Variants in C2CD2L observed in about 807,000 individuals in gnomAD.
C2CD2L encodes the protein phospholipid transfer protein C2CD2L.
In C2CD2L, 24 loss-of-function variants were observed where a neutral mutation model predicts 69.9. The ratio of observed to expected loss-of-function variants is 0.34; its 90% confidence interval spans 0.25 to 0.48. The LOEUF is 0.48. Ranked by LOEUF, C2CD2L falls within the 20% of genes least tolerant of loss-of-function variation. The pLI, the probability that C2CD2L is intolerant of heterozygous loss-of-function variation, is 0.99. For synonymous variants in C2CD2L, 367 were observed against 391.0 expected (o/e 0.94, Z 0.72); for missense variants, 811 against 941.5 (o/e 0.86, Z 1.81).
chr11:119,103,075 G>T (rs1333258127), upstream of C2CD2L, among the ~76,000 whole-genome samples: 1 of 151,634 alleles, frequency 6.6e-6, no homozygotes, highest in African/African-American at 2.4e-5. Flanking sequence ...ATTTTTAGTA[G>T]AGACGGGATT....
Position 119,109,982 on chromosome 11 carries a change from G to A in C2CD2L, c.355-122G>A. 1 of 730,604 alleles carries A rather than the reference G, an allele frequency of 1.4e-6. No homozygotes were observed. The highest frequency in any genetic ancestry group is 2.5e-6 in the Non-Finnish European group (1 of 406,534). 45.3% of individuals were successfully genotyped at this position (730,604 alleles called of 1,614,324 possible). On this transcript the variant is annotated intron_variant, in intron 1 of 13. Coordinates refer to ENST00000648610, the MANE Select transcript of C2CD2L (RefSeq NM_001290474.2). This position sits in a 1 kb window ranked among gnomAD's most constrained non-coding sequence, Gnocchi z 5.1. The stretch of plus-strand genomic sequence containing the variant: ...GTCTTAAAGCCCTGAGCCAAGGAGG[G>A]GCCAGAAGCCAGCCTGCAGCTGAGG...
chr11:119,110,196 C>T lies in C2CD2L; in HGVS notation c.447C>T (p.Thr149=). Residue 149 remains threonine (T), a synonymous_variant, in exon 2 of 14, where the codon ACC becomes ACT. Transcript: ENST00000648610. The surrounding 1 kb of genome is among the most constrained non-coding windows in gnomAD (Gnocchi z 5.7). ...HVTCVDQSEH[T]MVLRCQLSAE... Reference sequence around the variant, plus strand: ...CCTGCGTAGACCAATCTGAGCATACCATGGTAAGGGTCTGATGGGCACTGC... The same window carrying T: ...CCTGCGTAGACCAATCTGAGCATACTATGGTAAGGGTCTGATGGGCACTGC... 6.2e-7 allele frequency: 1 copy of T among 1,610,246 alleles called. No individual in the cohort carries two copies.
In C2CD2L at chr11:119,110,605, C is replaced by G. The variant is rs1403587226; in HGVS notation, c.495C>G (p.Val165=). 2 of 1,611,822 alleles carry G rather than the reference C, an allele frequency of 1.2e-6. No homozygotes were observed. Among genetic ancestry groups the G allele is most frequent in the Admixed American group, 3.3e-5 (2 of 59,900 alleles). ...CTGCTGAGGAGGTGCGGTTCCCAGTCTCTGTGACCCAGCAGTCCCCCGCTG... is the reference window on the plus strand; with the variant it reads ...CTGCTGAGGAGGTGCGGTTCCCAGTGTCTGTGACCCAGCAGTCCCCCGCTG... ...QLSAEEVRFP[V]SVTQQSPAAV... The change falls in exon 3 of 14, where the codon GTC becomes GTG. Residue 165 remains valine (V), a synonymous_variant. Coordinates refer to ENST00000648610, the MANE Select transcript of C2CD2L (RefSeq NM_001290474.2). The surrounding 1 kb of genome is among the most constrained non-coding windows in gnomAD (Gnocchi z 5.7).
upstream of C2CD2L, chr11:119,102,388 C>A: frequency 2.1e-6 from 1 of 465,212 alleles, no homozygotes. Context: ...AAACACAACT[C>A]AGTTCCCGGA....
In C2CD2L at chr11:119,114,377, T is replaced by C; in HGVS notation, c.1909+12T>C. The C allele has an allele frequency of 6.2e-7, 1 of 1,613,146 alleles. No individual in the cohort carries two copies. ...CAAGGATCACAAAGGTAGGGGGACGTTGGCAGGGTGCCCCTCATCTCTTCT... is the reference window on the plus strand; with the variant it reads ...CAAGGATCACAAAGGTAGGGGGACGCTGGCAGGGTGCCCCTCATCTCTTCT... On this transcript the variant is annotated intron_variant, in intron 13 of 13. Coordinates refer to ENST00000648610, the MANE Select transcript of C2CD2L (RefSeq NM_001290474.2). This position sits in a 1 kb window ranked among gnomAD's most constrained non-coding sequence, Gnocchi z 5.1.
At position 119,112,524 on chromosome 11, in the gene C2CD2L, C is replaced by G. The variant is rs750322797; in HGVS notation, c.1127C>G (p.Ser376Cys). 1 of 1,613,796 alleles carries G rather than the reference C, an allele frequency of 6.2e-7. No homozygotes were observed. The highest frequency in any genetic ancestry group is 1.1e-5 in the South Asian group (1 of 91,080). The change falls in exon 9 of 14, where the codon TCC (serine) becomes TGC (cysteine). Residue 376 changes from serine to cysteine, a missense_variant. Transcript: ENST00000648610. ...GCCACACTGCCTGTGGGCTCCCCCT[C>G]CAGACCACTGTCTCGAAGACAGTTG... ...GQATLPVGSP[S>C]RPLSRRQLCP...
In C2CD2L at chr11:119,116,880, C is replaced by G. The variant is rs370177399; in HGVS notation, c.*624C>G. On this transcript the variant is annotated 3_prime_UTR_variant, in exon 14 of 14. Transcript: ENST00000648610. ...CTCCTGCTCCTCATCCCTCCCTCCC[C>G]CTTTATTACCGTTTTTTGTACTTGA... 147 of 153,116 alleles carry G rather than the reference C, an allele frequency of 9.6e-4. No homozygotes were observed. The highest frequency in any genetic ancestry group is 3.4e-3 in the Middle Eastern group (1 of 298). The allele number at this position is 153,116 out of a possible 1,614,324, so 9.5% of individuals were successfully genotyped here.
chr11:119,106,539 T>C (rs1373051633), upstream of C2CD2L, among the ~76,000 whole-genome samples: 1 of 152,160 alleles, frequency 6.6e-6, no homozygotes, highest in African/African-American at 2.4e-5. Context: ...TTGGGCAGTG[T>C]ACCTACAGCA....
upstream of C2CD2L, chr11:119,107,184 G>A (rs1946606291): frequency 6.6e-6 from 1 of 152,280 alleles, no homozygotes; most frequent in Non-Finnish European, 1.5e-5. The surrounding 1 kb of genome is among the most constrained non-coding windows in gnomAD (Gnocchi z 5.4). Flanking sequence ...TTGCAAGATG[G>A]GGCGAGGTGA....
Position 119,109,277 on chromosome 11 carries a change from A to G in C2CD2L, c.355-827A>G, listed in dbSNP as rs1592237302. Among the ~76,000 whole-genome samples the G allele has an allele frequency of 6.6e-6, 1 of 152,128 alleles. No homozygotes were observed. Among genetic ancestry groups the G allele is most frequent in the Admixed American group, 6.5e-5 (1 of 15,276 alleles). ...ATGGATTTGTTTCCTCCATCTCAAG[A>G]CCCAAGGAAGAGTTGCCAGCCAATT... On this transcript the variant is annotated intron_variant, in intron 1 of 13. Transcript: ENST00000648610. The surrounding 1 kb of genome is among the most constrained non-coding windows in gnomAD (Gnocchi z 5.1).
At position 119,110,899 on chromosome 11, in the gene C2CD2L, C is replaced by T. The variant is rs1279137219; in HGVS notation, c.623C>T (p.Ala208Val). 2 of 1,614,148 alleles carry T rather than the reference C, an allele frequency of 1.2e-6. No homozygotes were observed. Among genetic ancestry groups the T allele is most frequent in the South Asian group, 2.2e-5 (2 of 91,080 alleles). The change falls in exon 4 of 14, where the codon GCC (alanine) becomes GTC (valine). Residue 208 changes from alanine to valine, a missense_variant. Ala to Val is a moderately conservative substitution (Grantham distance 64). Transcript: ENST00000648610. The surrounding 1 kb of genome is among the most constrained non-coding windows in gnomAD (Gnocchi z 5.7). ...GGTGAGGGGCTGCTCATATCCTGGGCCTTCACTGATCGCCCAGATCTCAGC... is the reference window on the plus strand; with the variant it reads ...GGTGAGGGGCTGCTCATATCCTGGGTCTTCACTGATCGCCCAGATCTCAGC... ...IPGEGLLISW[A>V]FTDRPDLSLT...
At position 119,110,637 on chromosome 11, in the gene C2CD2L, C is replaced by T. The variant is rs1946712584; in HGVS notation, c.527C>T (p.Ser176Phe). 1.9e-6 allele frequency: 3 copies of T among 1,613,606 alleles called. No homozygotes were observed. Among genetic ancestry groups the T allele is most frequent in the Non-Finnish European group, 2.5e-6 (3 of 1,179,972 alleles). ...ACCCAGCAGTCCCCCGCTGCCGTCT[C>T]CATGGAGACCTACCACGTCACTCTG... is the stretch of plus-strand genomic sequence containing the variant. ...SVTQQSPAAV[S>F]METYHVTLTL... The change falls in exon 3 of 14, where the codon TCC becomes TTC. Residue 176 changes from serine (S) to phenylalanine (F), a missense_variant. By Grantham distance (155) the Ser-to-Phe change is radical. Coordinates refer to ENST00000648610, the MANE Select transcript of C2CD2L (RefSeq NM_001290474.2). This position sits in a 1 kb window ranked among gnomAD's most constrained non-coding sequence, Gnocchi z 5.7.
intron 1 of C2CD2L, 44 bp downstream of exon 1, chr11:119,108,139 T>A (rs1946639433): frequency 7.3e-7 from 1 of 1,371,574 alleles, no homozygotes; most frequent in Non-Finnish European, 1.0e-6. Flanking sequence ...AGCCTTTCCT[T>A]CCAGGGGAGG....
chr11:119,105,837 G>C (rs1296974769), upstream of C2CD2L, among the ~76,000 whole-genome samples: 1 of 152,100 alleles, frequency 6.6e-6, no homozygotes, highest in Non-Finnish European at 1.5e-5. Flanking sequence ...GTTCCTGAAG[G>C]ATTCTTGGGG....
upstream of C2CD2L, among the ~76,000 whole-genome samples, chr11:119,102,659 A>G (rs1946528547): frequency 6.6e-6 from 1 of 151,836 alleles, no homozygotes; most frequent in South Asian, 2.1e-4. Flanking sequence ...AGCTCCCACA[A>G]GGAGGAGATG....
chr11:119,115,216 C>G (rs965486963), intron 13 of C2CD2L: 2 of 144,286 alleles, frequency 1.4e-5, no homozygotes, highest in East Asian at 4.1e-4. Context: ...GATCATGACA[C>G]TGCACTCCAG....
At position 119,107,884 on chromosome 11, in the gene C2CD2L, C is replaced by A; in HGVS notation, c.143C>A (p.Pro48Gln). 1 of 1,516,604 alleles carries A rather than the reference C, an allele frequency of 6.6e-7. No homozygotes were observed. The highest frequency in any genetic ancestry group is 1.2e-5 in the South Asian group (1 of 81,764). The allele number at this position is 1,516,604 out of a possible 1,614,324, so 93.9% of individuals were successfully genotyped here. The change falls in exon 1 of 14, where the codon CCG becomes CAG. Residue 48 changes from proline (P) to glutamine (Q), a missense_variant. Transcript: ENST00000648610. The surrounding 1 kb of genome is among the most constrained non-coding windows in gnomAD (Gnocchi z 5.4). ...WLARARGDRG[P>Q]GPALAGEPAG... ...GCGCGGGCCCGCGGGGACCGGGGCC[C>A]GGGACCCGCCTTAGCCGGGGAACCC... is the stretch of plus-strand genomic sequence containing the variant.
In C2CD2L at chr11:119,107,944, C is replaced by G. The variant is rs1304470047; in HGVS notation, c.203C>G (p.Ser68Trp). 2 of 1,547,484 alleles carry G rather than the reference C, an allele frequency of 1.3e-6. No homozygotes were observed. Among genetic ancestry groups the G allele is most frequent in the Non-Finnish European group, 1.7e-6 (2 of 1,153,654 alleles). Reference sequence around the variant, plus strand: ...CTGCGGGAGCTGGGCGTGTGGCGCTCGCTGCTGCGGCTGCGGGCGACTCGG... The same window carrying G: ...CTGCGGGAGCTGGGCGTGTGGCGCTGGCTGCTGCGGCTGCGGGCGACTCGG... ...GSLRELGVWRSLLRLRATRAG... is the reference protein window; with the variant it reads ...GSLRELGVWRWLLRLRATRAG... Residue 68 changes from serine to tryptophan, a missense_variant, in exon 1 of 14, where the codon TCG (serine) becomes TGG (tryptophan). By Grantham distance (177) the Ser-to-Trp change is radical. Transcript: ENST00000648610. This position sits in a 1 kb window ranked among gnomAD's most constrained non-coding sequence, Gnocchi z 5.4.
At chr11:119,103,954 A>G (rs1207348586), upstream of C2CD2L, among the ~76,000 whole-genome samples, 2 of 152,140 alleles carry the variant, frequency 1.3e-5, no homozygotes, top group African/African-American at 2.4e-5. Context: ...GGGTGTCCCC[A>G]TGGGGCTAGG....
Sources: allele counts gnomAD v4.1 joint callset (sites outside exome capture counted in the v4.1 genomes callset), GRCh38; gene constraint gnomAD v4.1.1; non-coding constraint Gnocchi (gnomAD v3.1); transcripts MANE v1.5; gene names NCBI Gene and HGNC (gene_info 2026-07-23, HGNC 2026-07-21).